The following RBMS3 variants were observed in gnomAD, a reference collection of about 807,000 sequenced individuals.
RBMS3 encodes RNA-binding motif, single-stranded-interacting protein 3.
Under a neutral mutation model 66.8 loss-of-function variants are expected in RBMS3, and 27 were observed. That is an observed-to-expected ratio of 0.40 (90% CI 0.30 to 0.56). The LOEUF (loss-of-function observed/expected upper bound fraction) is 0.56. Ranked by LOEUF, RBMS3 falls within the 20% of genes least tolerant of loss-of-function variation. The pLI, the probability that RBMS3 is intolerant of heterozygous loss-of-function variation, is 0.40. For missense variants in RBMS3, 513 were observed against 549.5 expected, an observed-to-expected ratio of 0.93 and a Z score of 0.66; for synonymous variants, 188 against 183.0, an observed-to-expected ratio of 1.03 and a Z score of -0.22.
intron 4 of RBMS3, among the ~76,000 whole-genome samples, chr3:29,640,366 C>T (rs1049663458): frequency 4.6e-5 from 7 of 151,606 alleles, no homozygotes; most frequent in Admixed American, 2.6e-4. Flanking sequence ...GCATATATTA[C>T]CTGCATAACA....
chr3:29,870,468 T>C (rs1488732663), intron 7 of RBMS3, among the ~76,000 whole-genome samples: 3 of 152,296 alleles, frequency 2.0e-5, no homozygotes, highest in Non-Finnish European at 2.9e-5. Flanking sequence ...TTCTGTCTCC[T>C]TAAGGAACTA....
At chr3:29,435,802 A>G (rs1231965437) in intron 2 of RBMS3, among the ~76,000 whole-genome samples, 2 of 151,968 alleles carry the variant, frequency 1.3e-5, no homozygotes, top group Non-Finnish European at 2.9e-5. Flanking sequence ...GTGAAACCCC[A>G]TCTCTACTGA....
chr3:29,359,258 G>T, intron 1 of RBMS3, among the ~76,000 whole-genome samples: 1 of 152,088 alleles, frequency 6.6e-6, no homozygotes, highest in East Asian at 1.9e-4. Flanking sequence ...TAGCATGAAG[G>T]GCTGTTGAAT....
intron 2 of RBMS3, among the ~76,000 whole-genome samples, chr3:29,447,252 C>T (rs1360083565): frequency 1.3e-5 from 2 of 152,038 alleles, no homozygotes; most frequent in Non-Finnish European, 2.9e-5. Context: ...TAAAAATATT[C>T]ATTTAAGTAA....
At chr3:29,290,744 G>A (rs185545174) in intron 1 of RBMS3, 1 of 151,834 alleles carries the variant, frequency 6.6e-6, no homozygotes, top group East Asian at 1.9e-4. Context: ...GTTTAACTTT[G>A]TTGTTGAGCT....
intron 2 of RBMS3, among the ~76,000 whole-genome samples, chr3:29,456,843 G>A (rs2042208004): frequency 6.6e-6 from 1 of 152,164 alleles, no homozygotes; most frequent in African/African-American, 2.4e-5. Flanking sequence ...CACAGGTGAA[G>A]AAAGGCATAG....
At chr3:29,448,679 G>C (rs1352027227) in intron 2 of RBMS3, among the ~76,000 whole-genome samples, 3 of 152,162 alleles carry the variant, frequency 2.0e-5, no homozygotes, top group Non-Finnish European at 4.4e-5. Context: ...TTTCTGGTTT[G>C]CTCAGGACAG....
At chr3:30,001,432 A>G (rs1040893166) in intron 14 of RBMS3, among the ~76,000 whole-genome samples, 5 of 152,080 alleles carry the variant, frequency 3.3e-5, no homozygotes, top group Non-Finnish European at 7.4e-5. Context: ...GAGTGAGGAG[A>G]GGATTCAAAA....
rs561247458 is a variant in RBMS3 at position 29,607,713 on chromosome 3, A to G, written c.399+20508A>G. ...CATTTTACATTTTTACTTTACATGG[A>G]GAAAATTCATGTCTTGCTCTGTTGT... On this transcript the variant is annotated intron_variant, in intron 4 of 14. Transcript: ENST00000383767. Among the ~76,000 whole-genome samples, 3 of 152,070 alleles carry G rather than the reference A, an allele frequency of 2.0e-5. No homozygotes were observed. In the East Asian group the frequency reaches 5.8e-4, roughly 29 times the overall value.
intron 10 of RBMS3, among the ~76,000 whole-genome samples, chr3:29,906,031 T>C (rs190940131): frequency 8.5e-5 from 13 of 152,266 alleles, no homozygotes; most frequent in Admixed American, 7.9e-4. Flanking sequence ...AATTTAAGAA[T>C]ATGACATATT....
intron 4 of RBMS3, among the ~76,000 whole-genome samples, chr3:29,710,973 C>G (rs571438790): frequency 1.3e-5 from 2 of 152,196 alleles, no homozygotes; most frequent in Admixed American, 6.5e-5. Flanking sequence ...AGGCACTGTT[C>G]CACGCATTAA....
intron 3 of RBMS3, among the ~76,000 whole-genome samples, chr3:29,490,463 A>C (rs541748064): frequency 1.3e-5 from 2 of 152,176 alleles, no homozygotes; most frequent in Non-Finnish European, 2.9e-5. Context: ...ATACATGTTG[A>C]GTCTTCTGAT....
intron 7 of RBMS3, chr3:29,880,654 C>A: frequency 1.3e-6 from 1 of 787,622 alleles, no homozygotes; most frequent in South Asian, 1.6e-5. Context: ...AGTTATTGTG[C>A]TATTATATTC....
At chr3:29,535,117 A>T (rs963236153) in intron 3 of RBMS3, among the ~76,000 whole-genome samples, 1 of 152,136 alleles carries the variant, frequency 6.6e-6, no homozygotes, top group Non-Finnish European at 1.5e-5. Flanking sequence ...GTTCTTTATG[A>T]TGGAATTCCG....
chr3:29,922,490 T>C (rs1158154909), intron 10 of RBMS3, among the ~76,000 whole-genome samples: 1 of 41,634 alleles, frequency 2.4e-5, no homozygotes, highest in Non-Finnish European at 5.0e-5. Flanking sequence ...CGAGACTCCG[T>C]CTCAAAAAAA....
chr3:29,895,141 C>T lies in RBMS3; in HGVS notation c.792-2238C>T, dbSNP rs1019346885. Among the ~76,000 whole-genome samples the T allele has an allele frequency of 4.6e-5, 7 of 151,424 alleles. No homozygotes were observed. The South Asian group carries it at 1.2e-3, about 27-fold the overall frequency. ...CACAAATACAGTACAATTTAAGTGA[C>T]TAAATAGAGAAACTCAAAGGGGTAT... On this transcript the variant is annotated intron_variant, in intron 8 of 14. Coordinates refer to ENST00000383767, the MANE Select transcript of RBMS3 (RefSeq NM_001003793.3).
intron 1 of RBMS3, among the ~76,000 whole-genome samples, chr3:29,433,939 G>C (rs1355425547): frequency 6.6e-6 from 1 of 152,256 alleles, no homozygotes; most frequent in African/African-American, 2.4e-5. Flanking sequence ...ATATTTTTTG[G>C]TGATCACATC....
intron 4 of RBMS3, among the ~76,000 whole-genome samples, chr3:29,656,477 A>G (rs2050331273): frequency 6.6e-6 from 1 of 152,354 alleles, no homozygotes; most frequent in Admixed American, 6.5e-5. Context: ...AGGTGTGTCT[A>G]AGTACACTCT....
At chr3:29,722,502 T>A (rs1160880569) in intron 4 of RBMS3, among the ~76,000 whole-genome samples, 3 of 152,086 alleles carry the variant, frequency 2.0e-5, no homozygotes, top group Admixed American at 2.0e-4. Context: ...TCTATAGAAC[T>A]GAGTTGAATT....
Sources: allele counts gnomAD v4.1 joint callset (sites outside exome capture counted in the v4.1 genomes callset), GRCh38; gene constraint gnomAD v4.1.1; transcripts MANE v1.5; gene names NCBI Gene and HGNC (gene_info 2026-07-23, HGNC 2026-07-21).